Variants in CACNA1A observed in about 807,000 individuals in gnomAD.
The protein encoded by CACNA1A is voltage-dependent P/Q-type calcium channel subunit alpha-1A.
In CACNA1A, 57 loss-of-function variants were observed where a neutral mutation model predicts 262.4. The ratio of observed to expected loss-of-function variants is 0.22; its 90% CI spans 0.18 to 0.27. The LOEUF is 0.27. Ranked by LOEUF, CACNA1A falls within the 10% of genes least tolerant of loss-of-function variation. The pLI, the probability that CACNA1A is intolerant of heterozygous loss-of-function variation, is 1.00. For synonymous variants in CACNA1A, 1,431 were observed against 1,419.3 expected (o/e 1.01, Z -0.18); for missense variants, 2,526 against 3,562.8 (o/e 0.71, Z 7.41).
intron 6 of CACNA1A, among the ~76,000 whole-genome samples, chr19:13,346,619 TATATATA>T (rs1568556955): frequency 1.6e-3 from 6 of 3,770 alleles, no homozygotes; most frequent in African/African-American, 7.1e-3. Context: ...TAATTGATTA[TATATATA>T]TATATATATA....
intron 15 of CACNA1A, among the ~76,000 whole-genome samples, chr19:13,305,010 C>A (rs1401137138): frequency 1.3e-5 from 2 of 152,182 alleles, no homozygotes; most frequent in Non-Finnish European, 2.9e-5. Context: ...CGTTTGGGGT[C>A]CCCCTGCCTG....
chr19:13,207,318 A>T lies in CACNA1A; in HGVS notation c.7516T>A (p.Cys2506Ser), dbSNP rs1393470757. 1.3e-6 allele frequency: 2 copies of T among 1,557,788 alleles called. No homozygotes were observed. Among genetic ancestry groups the T allele is most frequent in the South Asian group, 2.3e-5 (2 of 86,768 alleles). The change falls in exon 47 of 47, where the codon TGC becomes AGC. Residue 2506 changes from cysteine (C) to serine (S), a missense_variant. Around this residue, in one of 17 missense-constraint regions of CACNA1A, gnomAD observed 929 missense variants for 868.1 expected, o/e 1.07. Coordinates refer to ENST00000360228, the MANE Select transcript of CACNA1A (RefSeq NM_001127222.2). This position sits in a 1 kb window ranked among gnomAD's most constrained non-coding sequence, Gnocchi z 5.7. ...GGGCGCCACCTCGCCCGGGCTTAGCACCAATCATCGTCACTCTCGCTGTAG... is the reference window on the plus strand; with the variant it reads ...GGGCGCCACCTCGCCCGGGCTTAGCTCCAATCATCGTCACTCTCGCTGTAG... ...EPYSESDDDW[C>S]
intron 3 of CACNA1A, among the ~76,000 whole-genome samples, chr19:13,437,560 G>A (rs1482471300): frequency 1.3e-5 from 2 of 151,820 alleles, no homozygotes; most frequent in South Asian, 2.1e-4. Flanking sequence ...GTATGGTGGC[G>A]TGCTCCTGTA....
intron 26 of CACNA1A, chr19:13,260,332 A>AT (rs1179189303): frequency 0.28 from 21,534 of 76,916 alleles, 1,782 homozygotes; most frequent in Admixed American, 0.33. Flanking sequence ...ATATATATAT[A>AT]TTTTTGTTGT....
chr19:13,326,895 C>CT, intron 10 of CACNA1A, among the ~76,000 whole-genome samples: 2 of 147,538 alleles, frequency 1.4e-5, no homozygotes, highest in South Asian at 2.1e-4. Flanking sequence ...TGTATTATTA[C>CT]TTTTTTTTGT....
At chr19:13,320,261 AGAGAGAG>A (rs2058225169) in intron 10 of CACNA1A, among the ~76,000 whole-genome samples, 6 of 151,780 alleles carry the variant, frequency 4.0e-5, no homozygotes, top group Non-Finnish European at 5.9e-5. Flanking sequence ...AGAGAGAGAG[AGAGAGAG>A]AGAGAGAAAC....
intron 43 of CACNA1A, 60 bp from the exon 44 acceptor site, chr19:13,210,712 A>C: frequency 6.6e-7 from 1 of 1,516,964 alleles, no homozygotes; most frequent in Non-Finnish European, 9.0e-7. Context: ...AATAAATATA[A>C]AAGGCAAGAG....
rs1235713927 is a variant in CACNA1A, at chr19:13,286,687, C to T, written c.3369G>A (p.Arg1123=). The T allele has an allele frequency of 6.4e-7, 1 of 1,572,744 alleles. No homozygotes were observed. The highest frequency in any genetic ancestry group is 8.6e-7 in the Non-Finnish European group (1 of 1,158,250). ...ATNPQNAASR[R]TPNNPGNPSN... ...ATGGGTTCCCCGGGTTGTTGGGCGT[C>T]CGGCGGCTGGCGGCGTTCTGGGGGT... The change falls in exon 20 of 47, where the codon CGG becomes CGA. Residue 1123 remains arginine (R), a synonymous_variant. Transcript: ENST00000360228.
chr19:13,239,898 C>A (rs1289336486), intron 31 of CACNA1A, among the ~76,000 whole-genome samples: 1 of 152,010 alleles, frequency 6.6e-6, no homozygotes, highest in Non-Finnish European at 1.5e-5. Context: ...CACCTGTAAT[C>A]CCAACACTTT....
intron 24 of CACNA1A, chr19:13,263,590 G>A: frequency 6.6e-6 from 1 of 152,580 alleles, no homozygotes; most frequent in East Asian, 1.9e-4. Flanking sequence ...TATGATCTTG[G>A]CTCACTGCAA....
At chr19:13,336,790 T>C (rs1032251410) in intron 6 of CACNA1A, among the ~76,000 whole-genome samples, 6 of 152,194 alleles carry the variant, frequency 3.9e-5, no homozygotes, top group Admixed American at 2.0e-4. Flanking sequence ...AACTGAGGCT[T>C]AGAAAGACAA....
intron 15 of CACNA1A, among the ~76,000 whole-genome samples, chr19:13,306,167 G>A (rs569638621): frequency 2.0e-5 from 3 of 151,986 alleles, no homozygotes; most frequent in Non-Finnish European, 4.4e-5. Context: ...ACCTCCCCAG[G>A]AGAAGGAGAG....
At chr19:13,396,107 T>C (rs2059806762) in intron 3 of CACNA1A, among the ~76,000 whole-genome samples, 1 of 152,206 alleles carries the variant, frequency 6.6e-6, no homozygotes, top group Non-Finnish European at 1.5e-5. Context: ...TTTCTCCAAT[T>C]AATATGCCTT....
At chr19:13,499,066 G>A (rs988788923) in intron 1 of CACNA1A, among the ~76,000 whole-genome samples, 1 of 151,998 alleles carries the variant, frequency 6.6e-6, no homozygotes, top group East Asian at 1.9e-4. Context: ...GAAGGGGAGG[G>A]GGGTACCTAA....
intron 3 of CACNA1A, among the ~76,000 whole-genome samples, chr19:13,424,725 T>C (rs1302382177): frequency 6.6e-6 from 1 of 152,140 alleles, no homozygotes; most frequent in Non-Finnish European, 1.5e-5. Flanking sequence ...TCCCTCCACC[T>C]TAGCCTCTCA....
chr19:13,368,249 G>T (rs1226787760), intron 4 of CACNA1A, among the ~76,000 whole-genome samples: 2 of 152,116 alleles, frequency 1.3e-5, no homozygotes, highest in Non-Finnish European at 2.9e-5. Context: ...TGGGGAGGTT[G>T]AGGCTGTACT....
chr19:13,341,078 A>G (rs917696779), intron 6 of CACNA1A, among the ~76,000 whole-genome samples: 4 of 152,186 alleles, frequency 2.6e-5, no homozygotes, highest in Non-Finnish European at 4.4e-5. Context: ...TGTCTAAAAT[A>G]AAGAAACAAA....
At position 13,212,378 on chromosome 19, in the gene CACNA1A, A is replaced by G. The variant is rs2054846339; in HGVS notation, c.6189+6T>C. The G allele has an allele frequency of 6.2e-7, 1 of 1,613,442 alleles. No individual in the cohort carries two copies. The highest frequency in any genetic ancestry group is 8.5e-7 in the Non-Finnish European group (1 of 1,179,744). On this transcript the variant is annotated splice_donor_region_variant and intron_variant, in intron 42 of 46. Transcript: ENST00000360228. The surrounding 1 kb of genome is among the most constrained non-coding windows in gnomAD (Gnocchi z 5.6). ...GAGCCATTGGGGAGTTGGGGGACAG[A>G]GGCACCTGAGAGTTAGGCTGGCTGT...
chr19:13,230,223 G>A lies in CACNA1A; in HGVS notation c.5401-14C>T, dbSNP rs16042. 251,098 of 1,612,806 alleles carry A rather than the reference G, an allele frequency of 0.16. 26,312 individuals carry two copies. Among genetic ancestry groups the A allele is most frequent in the East Asian group, 0.61 (27,524 of 44,830 alleles). On this transcript the variant is annotated splice_polypyrimidine_tract_variant and intron_variant, in intron 35 of 46. Transcript: ENST00000360228. ...GAGATTCAGCATCTGTGGGGACCCC[G>A]GGGACCAAGAGAGAATGGGGGCAGA...
Sources: gnomAD v4.1 joint callset for allele counts (sites outside exome capture counted in the v4.1 genomes callset) on GRCh38, gnomAD v4.1.1 for gene constraint, gnomAD v4.1.1 regional missense constraint, Gnocchi (gnomAD v3.1) non-coding constraint, MANE v1.5 for transcripts, NCBI Gene and HGNC (gene_info 2026-07-23, HGNC 2026-07-21) for gene names.